Variants in ARAP2 observed in about 807,000 individuals in gnomAD.
ARAP2 encodes ArfGAP with RhoGAP domain, ankyrin repeat and PH domain 2.
Under a neutral mutation model 194.5 loss-of-function variants are expected in ARAP2, and 148 were observed. That is an observed-to-expected ratio of 0.76 (90% confidence interval 0.67 to 0.87). The LOEUF (loss-of-function observed/expected upper bound fraction) is 0.87, where lower values mean the gene tolerates loss of function less well. ARAP2 is among the 40% of genes least tolerant of loss of function. The pLI, the probability that ARAP2 is intolerant of heterozygous loss-of-function variation, is 0.00. For synonymous variants in ARAP2, 695 were observed against 683.5 expected (o/e 1.02, Z -0.26); for missense variants, 2,128 against 1,989.7 (o/e 1.07, Z -1.32).
intron 6 of ARAP2, among the ~76,000 whole-genome samples, chr4:36,208,926 C>T (rs1467525455): frequency 6.6e-6 from 1 of 152,016 alleles, no homozygotes; most frequent in Non-Finnish European, 1.5e-5. Context: ...TAACCTTAGG[C>T]AGGTTCAGAA....
chr4:36,208,534 C>A (rs774025340), intron 6 of ARAP2, among the ~76,000 whole-genome samples: 1 of 152,136 alleles, frequency 6.6e-6, no homozygotes, highest in African/African-American at 2.4e-5. Flanking sequence ...CAAAGAGACA[C>A]GCAGCCATGA....
intron 31 of ARAP2, among the ~76,000 whole-genome samples, chr4:36,075,154 G>C (rs995034718): frequency 5.3e-5 from 8 of 152,092 alleles, no homozygotes; most frequent in Admixed American, 1.3e-4. Flanking sequence ...GACTGAGAGG[G>C]AATTAGGCAA....
At chr4:36,142,395 G>T (rs1020164627) in intron 19 of ARAP2, among the ~76,000 whole-genome samples, 4 of 151,108 alleles carry the variant, frequency 2.6e-5, no homozygotes, top group African/African-American at 9.7e-5. Context: ...GCCCTTTCTG[G>T]GTCAAACCCC....
chr4:36,046,559 T>TA (rs1485659746), intron 4 of ARAP2, among the ~76,000 whole-genome samples: 1 of 152,018 alleles, frequency 6.6e-6, no homozygotes, highest in Admixed American at 6.6e-5. Context: ...ATATGGATGT[T>TA]AAAAAAAGTT....
chr4:36,018,777 T>C (rs888718997), intron 6 of ARAP2, among the ~76,000 whole-genome samples: 1 of 152,218 alleles, frequency 6.6e-6, no homozygotes, highest in Non-Finnish European at 1.5e-5. Flanking sequence ...GTCCTGGTCA[T>C]TCACATATAA....
At chr4:36,056,359 A>G (rs1274482792) in intron 2 of ARAP2, among the ~76,000 whole-genome samples, 1 of 152,192 alleles carries the variant, frequency 6.6e-6, no homozygotes, top group African/African-American at 2.4e-5. Context: ...GGAACTGTAA[A>G]GAGTTTATTT....
chr4:36,035,929 T>G (rs1028840766), intron 5 of ARAP2, among the ~76,000 whole-genome samples: 2 of 152,178 alleles, frequency 1.3e-5, no homozygotes, highest in African/African-American at 4.8e-5. Context: ...ATTAACTTTG[T>G]GAAAAATCAG....
At chr4:36,136,783 A>ATATG (rs1490067782) in intron 19 of ARAP2, among the ~76,000 whole-genome samples, 18 of 143,906 alleles carry the variant, frequency 1.3e-4, no homozygotes, top group African/African-American at 4.7e-4. Context: ...AATCAAATAT[A>ATATG]TGTGTGTGTG....
chr4:36,180,233 C>G (rs975515810), intron 8 of ARAP2, among the ~76,000 whole-genome samples: 23 of 152,090 alleles, frequency 1.5e-4, no homozygotes, highest in African/African-American at 4.1e-4. Flanking sequence ...GATCATGCCA[C>G]TGCACTCCAG....
intron 2 of ARAP2, among the ~76,000 whole-genome samples, chr4:36,218,181 G>GC (rs1467377906): frequency 5.3e-5 from 8 of 152,230 alleles, no homozygotes; most frequent in African/African-American, 1.7e-4. Flanking sequence ...CATGGATGGA[G>GC]CAGGAGGTCA....
intron 16 of ARAP2, among the ~76,000 whole-genome samples, chr4:36,150,207 C>T (rs1429942929): frequency 1.3e-5 from 2 of 152,034 alleles, no homozygotes; most frequent in Non-Finnish European, 2.9e-5. Flanking sequence ...GTGAACAGAT[C>T]GTCATAGAAT....
intron 27 of ARAP2, among the ~76,000 whole-genome samples, chr4:36,102,179 A>G (rs1470033394): frequency 6.6e-6 from 1 of 151,970 alleles, no homozygotes; most frequent in Admixed American, 6.6e-5. Flanking sequence ...CCTTCTAGAC[A>G]TATATCCTCA....
chr4:36,091,971 T>C lies in ARAP2; in HGVS notation c.4335A>G (p.Glu1445=). 1.2e-6 allele frequency: 2 copies of C among 1,605,724 alleles called. No homozygotes were observed. The highest frequency in any genetic ancestry group is 1.7e-6 in the Non-Finnish European group (2 of 1,173,718). The change falls in exon 28 of 33, where the codon GAA becomes GAG. Residue 1445 remains glutamate (E), a synonymous_variant. Coordinates refer to ENST00000303965, the MANE Select transcript of ARAP2 (RefSeq NM_015230.4). ...SIKEGILKIK[E]EPSKILSGNK... The stretch of plus-strand genomic sequence containing the variant: ...TTCCAGATAGTATTTTGGATGGTTC[T>C]TCTTTGATTTTCAAGATTCCTTCTT...
Position 36,150,884 on chromosome 4 carries a change from G to C in ARAP2, c.2897+16C>G. The C allele has an allele frequency of 6.2e-7, 1 of 1,604,428 alleles. No homozygotes were observed. Among genetic ancestry groups the C allele is most frequent in the Non-Finnish European group, 8.5e-7 (1 of 1,176,522 alleles). ...AAAATACCTTTTACCTCCTAATTGT[G>C]TAATGACAGACCTACCCAGTATTTA... On this transcript the variant is annotated intron_variant, in intron 16 of 32. Transcript: ENST00000303965.
Position 36,105,629 on chromosome 4 carries a change from T to C in ARAP2, c.4285+1936A>G, listed in dbSNP as rs560253908. On this transcript the variant is annotated intron_variant, in intron 27 of 32. Transcript: ENST00000303965. ...TCACTGTACCATTTCTTCTTGCCCT[T>C]ACACAACAAAGGTTTTACCCAGATA... Among the ~76,000 whole-genome samples the C allele has an allele frequency of 4.6e-5, 7 of 152,090 alleles. No individual in the cohort carries two copies. In the South Asian group the frequency reaches 1.5e-3, roughly 32 times the overall value.
chr4:36,148,245 G>A (rs1010311323), intron 17 of ARAP2, among the ~76,000 whole-genome samples, 160 bp downstream of exon 17: 1 of 152,114 alleles, frequency 6.6e-6, no homozygotes, highest in African/African-American at 2.4e-5. Flanking sequence ...CTCCTAGAAG[G>A]TAGCTACCTC....
chr4:36,220,487 T>C (rs868690712), intron 2 of ARAP2, among the ~76,000 whole-genome samples: 10 of 152,178 alleles, frequency 6.6e-5, no homozygotes, highest in Non-Finnish European at 1.5e-4. Context: ...TACTTGATAA[T>C]AAGTGATCAT....
intron 11 of ARAP2, among the ~76,000 whole-genome samples, chr4:36,164,015 A>G (rs898668474): frequency 1.3e-5 from 2 of 152,224 alleles, no homozygotes; most frequent in African/African-American, 2.4e-5. Flanking sequence ...ACTGCGCTCT[A>G]GCTGAGGTAG....
chr4:36,183,232 A>C (rs1287439170), intron 8 of ARAP2, among the ~76,000 whole-genome samples: 1 of 152,080 alleles, frequency 6.6e-6, no homozygotes, highest in Non-Finnish European at 1.5e-5. Context: ...AAAAGAGGTA[A>C]GAGTCTGCTT....
Sources: allele counts gnomAD v4.1 joint callset (sites outside exome capture counted in the v4.1 genomes callset), GRCh38; gene constraint gnomAD v4.1.1; transcripts MANE v1.5; gene names NCBI Gene and HGNC (gene_info 2026-07-23, HGNC 2026-07-21).